CADM2: variants seen among roughly 807,000 people sequenced by gnomAD.
CADM2 encodes cell adhesion molecule 2.
Under a neutral mutation model 49.8 loss-of-function variants are expected in CADM2, and 12 were observed. The ratio of observed to expected loss-of-function variants is 0.24; its 90% CI spans 0.15 to 0.39. The LOEUF (loss-of-function observed/expected upper bound fraction) is 0.39. Ranked by LOEUF, CADM2 falls within the 10% of genes least tolerant of loss-of-function variation. The pLI is 1.00. For missense variants in CADM2, 378 were observed against 492.3 expected (o/e 0.77, Z 2.20); for synonymous variants, 214 against 175.4 (o/e 1.22, Z -1.74).
At chr3:85,869,626 G>A (rs1186363541) in intron 3 of CADM2, among the ~76,000 whole-genome samples, 1 of 151,804 alleles carries the variant, frequency 6.6e-6, no homozygotes, top group Non-Finnish European at 1.5e-5. Flanking sequence ...TAAAGTTCTT[G>A]TTTCCTTTAT....
chr3:85,651,228 A>G (rs1038276661), intron 1 of CADM2, among the ~76,000 whole-genome samples: 15 of 152,154 alleles, frequency 9.9e-5, no homozygotes, highest in African/African-American at 3.1e-4. Flanking sequence ...TGAACATTTT[A>G]TGTTGAACTG....
chr3:85,400,297 G>C (rs1313057716), intron 1 of CADM2, among the ~76,000 whole-genome samples: 1 of 152,182 alleles, frequency 6.6e-6, no homozygotes, highest in African/African-American at 2.4e-5. Context: ...CAGGGACGAA[G>C]CCCACTTGAT....
In CADM2 at chr3:86,049,429, C is replaced by G. The variant is rs546599269; in HGVS notation, c.971-16176C>G. On this transcript the variant is annotated intron_variant, in intron 8 of 9. Coordinates refer to ENST00000383699, the MANE Select transcript of CADM2 (RefSeq NM_001167675.2). ...AGCTGGGACTACAGGCACCCGCCACCACGCCCGGCTAATTTTTTGTATTTT... is the reference window on the plus strand; with the variant it reads ...AGCTGGGACTACAGGCACCCGCCACGACGCCCGGCTAATTTTTTGTATTTT... Among the ~76,000 whole-genome samples the G allele has an allele frequency of 7.7e-3, 1,166 of 151,980 alleles. 11 individuals are homozygous for G. Among genetic ancestry groups the G allele is most frequent in the African/African-American group, 0.027 (1,119 of 41,438 alleles).
intron 1 of CADM2, among the ~76,000 whole-genome samples, chr3:85,471,856 A>G (rs1346918727): frequency 6.6e-6 from 1 of 151,662 alleles, no homozygotes; most frequent in Non-Finnish European, 1.5e-5. Context: ...TTAAAGATTA[A>G]CATAAATTTG....
At chr3:85,175,917 A>ATTTTTTT (rs2040770217) in intron 1 of CADM2, among the ~76,000 whole-genome samples, 1 of 125,408 alleles carries the variant, frequency 8.0e-6, no homozygotes, top group African/African-American at 3.6e-5. Context: ...TTATGTCCTA[A>ATTTTTTT]TCTTTTTTTT....
At chr3:85,376,829 A>C (rs530047844) in intron 1 of CADM2, among the ~76,000 whole-genome samples, 1 of 152,226 alleles carries the variant, frequency 6.6e-6, no homozygotes, top group East Asian at 1.9e-4. Context: ...TTTTAAGGGA[A>C]TATTTGATTT....
chr3:85,601,727 A>G (rs2063412907), intron 1 of CADM2, among the ~76,000 whole-genome samples: 1 of 151,040 alleles, frequency 6.6e-6, no homozygotes, highest in South Asian at 2.1e-4. Context: ...TGCTAATTCT[A>G]TACTTCTCTT....
At chr3:85,719,844 A>T (rs924894198) in intron 1 of CADM2, among the ~76,000 whole-genome samples, 1 of 152,196 alleles carries the variant, frequency 6.6e-6, no homozygotes, top group Non-Finnish European at 1.5e-5. Context: ...CAAAAATTTC[A>T]AACACATACA....
intron 1 of CADM2, among the ~76,000 whole-genome samples, chr3:85,358,353 T>G (rs2032044703): frequency 6.6e-6 from 1 of 151,918 alleles, no homozygotes; most frequent in African/African-American, 2.4e-5. Flanking sequence ...GTAAGTCCAG[T>G]CTTATTAACC....
intron 1 of CADM2, among the ~76,000 whole-genome samples, chr3:85,079,200 A>T (rs549311494): frequency 6.6e-6 from 1 of 151,862 alleles, no homozygotes; most frequent in Admixed American, 6.6e-5. Context: ...CATATAAAAC[A>T]TTCATAATGT....
intron 1 of CADM2, among the ~76,000 whole-genome samples, chr3:85,555,139 G>A (rs1336733252): frequency 6.6e-6 from 1 of 152,096 alleles, no homozygotes; most frequent in East Asian, 1.9e-4. Context: ...TGTAGTTAGG[G>A]CACGTCATTC....
chr3:85,186,615 C>T (rs1398000175), intron 1 of CADM2, among the ~76,000 whole-genome samples: 1 of 152,012 alleles, frequency 6.6e-6, no homozygotes, highest in South Asian at 2.1e-4. Flanking sequence ...ATATTTCCTT[C>T]TTTTGAGAGC....
chr3:85,137,802 ACAT>A (rs1407922126), intron 1 of CADM2, among the ~76,000 whole-genome samples: 1 of 152,148 alleles, frequency 6.6e-6, no homozygotes, highest in Non-Finnish European at 1.5e-5. Context: ...TGGCTTTAAA[ACAT>A]CAAGAATATT....
chr3:85,091,054 C>T (rs534801583), intron 1 of CADM2, among the ~76,000 whole-genome samples: 2 of 152,160 alleles, frequency 1.3e-5, no homozygotes, highest in East Asian at 3.9e-4. Flanking sequence ...ATGCAGATTG[C>T]GGGGATACAA....
At chr3:85,874,740 A>G (rs148225054) in intron 3 of CADM2, among the ~76,000 whole-genome samples, 83 of 152,288 alleles carry the variant, frequency 5.5e-4, no homozygotes, top group Middle Eastern at 3.4e-3. Flanking sequence ...CTGTAATGTG[A>G]CAAACACCTA....
At chr3:85,194,877 A>C (rs939602031) in intron 1 of CADM2, among the ~76,000 whole-genome samples, 34 of 152,158 alleles carry the variant, frequency 2.2e-4, no homozygotes, top group Admixed American at 3.3e-4. Flanking sequence ...TTAAAAAAAA[A>C]TCTTGAAATA....
chr3:85,923,965 T>G (rs557515079), intron 6 of CADM2, among the ~76,000 whole-genome samples: 136 of 152,322 alleles, frequency 8.9e-4, no homozygotes, highest in African/African-American at 2.9e-3. Context: ...TTTATTCTTA[T>G]GTTATTCTTT....
At chr3:85,059,595 G>C (rs1006239992) in intron 1 of CADM2, among the ~76,000 whole-genome samples, 2 of 152,120 alleles carry the variant, frequency 1.3e-5, no homozygotes, top group Non-Finnish European at 2.9e-5. Flanking sequence ...TATGTTGTGG[G>C]AGGAACCCGG....
chr3:85,851,788 C>A (rs1175038889), intron 3 of CADM2, among the ~76,000 whole-genome samples: 1 of 151,626 alleles, frequency 6.6e-6, no homozygotes, highest in Non-Finnish European at 1.5e-5. Flanking sequence ...GAAGTAGAAT[C>A]TATAGATCTA....
Sources: gnomAD v4.1 joint callset for allele counts (sites outside exome capture counted in the v4.1 genomes callset) on GRCh38, gnomAD v4.1.1 for gene constraint, MANE v1.5 for transcripts, NCBI Gene and HGNC (gene_info 2026-07-23, HGNC 2026-07-21) for gene names.